The following KSR2 variants were observed in gnomAD, a reference collection of about 807,000 sequenced individuals.
The protein encoded by KSR2 is kinase suppressor of ras 2.
Under a neutral mutation model 107.8 loss-of-function variants are expected in KSR2, and 25 were observed. The observed-to-expected ratio is 0.23, with a 90% CI of 0.17 to 0.32. The LOEUF (loss-of-function observed/expected upper bound fraction) is 0.32, where lower values mean the gene tolerates loss of function less well. Among genes scored for constraint, KSR2 ranks in the 10% least tolerant of loss-of-function variants. The probability of loss-of-function intolerance (pLI) is 1.00; values close to 1 mark genes in which losing one functional copy is unlikely to be tolerated. For synonymous variants in KSR2, 480 were observed against 507.0 expected, an observed-to-expected ratio of 0.95 and a Z score of 0.71; for missense variants, 887 against 1,268.9, an observed-to-expected ratio of 0.70 and a Z score of 4.57.
intron 5 of KSR2, among the ~76,000 whole-genome samples, chr12:117,594,477 T>C (rs1195037024): frequency 6.6e-6 from 1 of 152,050 alleles, no homozygotes; most frequent in Non-Finnish European, 1.5e-5. Flanking sequence ...CAAGACTGGG[T>C]GTCCATATTC....
intron 1 of KSR2, among the ~76,000 whole-genome samples, chr12:117,863,277 C>T (rs1893370101): frequency 6.6e-6 from 1 of 152,146 alleles, no homozygotes; most frequent in South Asian, 2.1e-4. Flanking sequence ...AGCCATAGCA[C>T]ACCCTAAAGA....
intron 5 of KSR2, among the ~76,000 whole-genome samples, chr12:117,624,302 T>C (rs1186714524): frequency 6.6e-6 from 1 of 152,256 alleles, no homozygotes; most frequent in Non-Finnish European, 1.5e-5. Context: ...TCCTTGCCCA[T>C]GCCTATGTCC....
intron 13 of KSR2, among the ~76,000 whole-genome samples, chr12:117,525,592 A>G (rs1056373137): frequency 1.3e-5 from 2 of 152,322 alleles, no homozygotes; most frequent in East Asian, 1.9e-4. Flanking sequence ...GCCAGGCAGA[A>G]GAGGGACTAA....
At chr12:117,478,510 T>C (rs78367942) in intron 16 of KSR2, among the ~76,000 whole-genome samples, 2 of 152,138 alleles carry the variant, frequency 1.3e-5, no homozygotes, top group Admixed American at 1.3e-4. Context: ...TCATAGTTCA[T>C]GGTCGCTTGA....
chr12:117,592,777 G>A (rs1414396237), intron 5 of KSR2, among the ~76,000 whole-genome samples: 4 of 152,144 alleles, frequency 2.6e-5, no homozygotes, highest in African/African-American at 9.7e-5. Flanking sequence ...TTGTGGGGAT[G>A]ATGGATGGAG....
chr12:117,777,776 C>T (rs2136934835), intron 3 of KSR2, among the ~76,000 whole-genome samples: 1 of 152,228 alleles, frequency 6.6e-6, no homozygotes, highest in South Asian at 2.1e-4. Flanking sequence ...AAAATGCTGT[C>T]ATCCCAGCAT....
At chr12:117,632,158 C>T (rs1454894278) in intron 5 of KSR2, among the ~76,000 whole-genome samples, 1 of 150,526 alleles carries the variant, frequency 6.6e-6, no homozygotes, top group Admixed American at 6.6e-5. Flanking sequence ...TTCATTAAAC[C>T]AGTATTGAGT....
At chr12:117,556,003 G>A (rs1308057201) in intron 8 of KSR2, among the ~76,000 whole-genome samples, 1 of 152,086 alleles carries the variant, frequency 6.6e-6, no homozygotes, top group Non-Finnish European at 1.5e-5. Context: ...GGTGAGGGGA[G>A]GGTGTTGGTT....
intron 4 of KSR2, among the ~76,000 whole-genome samples, chr12:117,756,559 T>C (rs185106122): frequency 1.3e-5 from 2 of 152,364 alleles, no homozygotes; most frequent in Admixed American, 1.3e-4. Context: ...TCATCGACAA[T>C]GCATGTGCTC....
chr12:117,860,961 C>T (rs1893270877), intron 1 of KSR2, among the ~76,000 whole-genome samples: 1 of 152,114 alleles, frequency 6.6e-6, no homozygotes, highest in Non-Finnish European at 1.5e-5. Flanking sequence ...CCATGTGATC[C>T]ACCCGCCTCG....
chr12:117,860,655 G>A (rs776269105), intron 1 of KSR2, among the ~76,000 whole-genome samples: 45 of 152,254 alleles, frequency 3.0e-4, no homozygotes, highest in Admixed American at 1.6e-3. Flanking sequence ...GGGAGGCGGC[G>A]CACATTAGTA....
At chr12:117,473,005 C>T (rs1871566743) in intron 17 of KSR2, among the ~76,000 whole-genome samples, 1 of 152,192 alleles carries the variant, frequency 6.6e-6, no homozygotes. Flanking sequence ...ATACTGCCAA[C>T]TACCTCCTTA....
Position 117,525,082 on chromosome 12 carries a change from A to T in KSR2, c.1989T>A (p.Phe663Leu), listed in dbSNP as rs1293525629. The T allele has an allele frequency of 6.2e-7, 1 of 1,613,978 alleles. No homozygotes were observed. The highest frequency in any genetic ancestry group is 8.5e-7 in the Non-Finnish European group (1 of 1,179,878). Residue 663 changes from phenylalanine to leucine, a missense_variant, in exon 14 of 20, where the codon TTT (phenylalanine) becomes TTA (leucine). By Grantham distance (22) the Phe-to-Leu change is conservative. Coordinates refer to ENST00000339824, the MANE Select transcript of KSR2 (RefSeq NM_173598.6). ...TGAGCTCGCCGATCTCCAGCTGCTC[A>T]AAGGGGATGTCCCACTCCTGAAGGA... ...SIFLQEWDIP[F>L]EQLEIGELIG...
At chr12:117,558,335 G>T (rs1877851674) in intron 8 of KSR2, among the ~76,000 whole-genome samples, 171 bp downstream of exon 8, 1 of 152,108 alleles carries the variant, frequency 6.6e-6, no homozygotes, top group Non-Finnish European at 1.5e-5. Flanking sequence ...CATAGGGGAG[G>T]ATAAAGGAGA....
At chr12:117,874,971 G>T (rs76039247) in intron 1 of KSR2, among the ~76,000 whole-genome samples, 1 of 152,142 alleles carries the variant, frequency 6.6e-6, no homozygotes, top group Non-Finnish European at 1.5e-5. Context: ...CACAGGTTGC[G>T]GAAATCCGAC....
chr12:117,798,714 A>AC (rs200449041), intron 3 of KSR2, among the ~76,000 whole-genome samples: 1 of 85,028 alleles, frequency 1.2e-5, no homozygotes, highest in African/African-American at 8.0e-5. Context: ...AAGTCCAAAA[A>AC]AAAAAAATAT....
chr12:117,509,398 AGCACCAAG>A (rs1482044524), intron 14 of KSR2, among the ~76,000 whole-genome samples: 1 of 152,188 alleles, frequency 6.6e-6, no homozygotes, highest in East Asian at 1.9e-4. Flanking sequence ...GGGATAGGGC[AGCACCAAG>A]GCTGGAAAAG....
At chr12:117,947,078 G>A (rs1896201112) in intron 1 of KSR2, among the ~76,000 whole-genome samples, 1 of 151,724 alleles carries the variant, frequency 6.6e-6, no homozygotes. Context: ...TGAGGCAAGA[G>A]AATCACTTGA....
intron 3 of KSR2, among the ~76,000 whole-genome samples, chr12:117,793,253 C>G (rs1890349149): frequency 7.0e-6 from 1 of 142,488 alleles, no homozygotes; most frequent in Non-Finnish European, 1.5e-5. Context: ...CCTGCACACA[C>G]CCTCACACCA....
Sources: gnomAD v4.1 joint callset for allele counts (sites outside exome capture counted in the v4.1 genomes callset) on GRCh38, gnomAD v4.1.1 for gene constraint, MANE v1.5 for transcripts, NCBI Gene and HGNC (gene_info 2026-07-23, HGNC 2026-07-21) for gene names.